Variants in AARS1 observed in about 807,000 individuals in gnomAD.
The protein encoded by AARS1 is alanine--tRNA ligase, cytoplasmic.
AARS1 carries 72 observed loss-of-function variants against 108.9 expected under a neutral mutation model. The ratio of observed to expected loss-of-function variants is 0.66; its 90% CI spans 0.55 to 0.80. AARS1 has a LOEUF of 0.80. AARS1 is among the 30% of genes least tolerant of loss of function. AARS1 has a pLI of 0.00. For missense variants in AARS1, 1,193 were observed against 1,233.2 expected (o/e 0.97, Z 0.49); for synonymous variants, 489 against 465.7 (o/e 1.05, Z -0.64).
In AARS1 at chr16:70,269,831, G is replaced by T. The variant is rs867009096; in HGVS notation, c.817-68C>A. The stretch of plus-strand genomic sequence containing the variant: ...TTCTGGCGCTACCTTGCCCAAGGAG[G>T]TTCCTGGAGGATTGAGGAGCATTAG... On this transcript the variant is annotated intron_variant, in intron 6 of 20. Coordinates refer to ENST00000261772, the MANE Select transcript of AARS1 (RefSeq NM_001605.3). The T allele has an allele frequency of 1.4e-4, 216 of 1,596,146 alleles. 1 individual carries two copies. In the Middle Eastern group the frequency reaches 6.5e-3, roughly 48 times the overall value.
chr16:70,270,881 G>C (rs929014816), intron 5 of AARS1, among the ~76,000 whole-genome samples: 3 of 134,152 alleles, frequency 2.2e-5, no homozygotes, highest in Admixed American at 1.5e-4. Context: ...GGGCATGGTG[G>C]CTCACGCCTG....
In AARS1 at chr16:70,269,353, AAAAAAAAC is replaced by A. The variant is rs1490105561; in HGVS notation, c.962+257_962+264del. On this transcript the variant is annotated intron_variant, in intron 7 of 20. Coordinates refer to ENST00000261772, the MANE Select transcript of AARS1 (RefSeq NM_001605.3). Reference sequence around the variant, plus strand: ...AAAAAAAAAAAAAAAAAAAAAAAAAAAAAAAAACAACCGTCTCTACTAAAAGTACAAAA... The same window carrying A: ...AAAAAAAAAAAAAAAAAAAAAAAAAAAACCGTCTCTACTAAAAGTACAAAA... Among the ~76,000 whole-genome samples the A allele has an allele frequency of 3.7e-4, 36 of 96,918 alleles. 2 individuals carry two copies. Among genetic ancestry groups the A allele is most frequent in the African/African-American group, 1.3e-3 (34 of 25,586 alleles). The allele number at this position is 96,918 out of a possible 152,430, so 63.6% of individuals were successfully genotyped here.
chr16:70,272,895 C>A (rs913671437), intron 4 of AARS1, among the ~76,000 whole-genome samples: 2 of 142,372 alleles, frequency 1.4e-5, no homozygotes, highest in Non-Finnish European at 3.2e-5. Flanking sequence ...GGGTGACACA[C>A]ACACACACAC....
In AARS1 at chr16:70,255,554, T is replaced by C. The variant is rs7184495; in HGVS notation, c.2286+174A>G. ...AGGAAAGCTAGGAGATCTTGTGTGG[T>C]GGCAGGTTTCTTCTGCCACTCAGGG... On this transcript the variant is annotated intron_variant, in intron 16 of 20. Transcript: ENST00000261772. Among the ~76,000 whole-genome samples the C allele has an allele frequency of 0.016, 2,375 of 152,206 alleles. 52 individuals carry two copies. Among genetic ancestry groups the C allele is most frequent in the African/African-American group, 0.053 (2,214 of 41,528 alleles).
In AARS1 at chr16:70,262,477, T is replaced by A; in HGVS notation, c.1540A>T (p.Met514Leu). The change falls in exon 12 of 21, where the codon ATG (methionine) becomes TTG (leucine). Residue 514 changes from methionine (M) to leucine (L), a missense_variant. Transcript: ENST00000261772. The stretch of plus-strand genomic sequence containing the variant: ...CCTGTGGACACCTCTTCCACGAACA[T>A]CTTCTCCCTGCGCAGAGCCATCACC... ...ATVMALRREKMFVEEVSTGQE... is the reference protein window; with the variant it reads ...ATVMALRREKLFVEEVSTGQE... 1 of 1,614,084 alleles carries A rather than the reference T, an allele frequency of 6.2e-7. No individual in the cohort carries two copies. The highest frequency in any genetic ancestry group is 8.5e-7 in the Non-Finnish European group (1 of 1,179,984).
chr16:70,282,796 A>C lies in AARS1; in HGVS notation c.-21-12T>G, dbSNP rs879039777. 1 of 1,612,526 alleles carries C rather than the reference A, an allele frequency of 6.2e-7. No homozygotes were observed. The highest frequency in any genetic ancestry group is 1.1e-5 in the South Asian group (1 of 91,052). On this transcript the variant is annotated splice_polypyrimidine_tract_variant and intron_variant, in intron 1 of 20. Transcript: ENST00000261772. ...GTCACCCCAAAGAACTAATCAAAGA[A>C]AAAAAAATGAAGGAAAATTAAGGGA...
rs1960368917 is a variant in AARS1, at chr16:70,270,311, G to T, written c.701C>A (p.Pro234His). The change falls in exon 6 of 21, where the codon CCC becomes CAC. Residue 234 changes from proline (P) to histidine (H), a missense_variant. By Grantham distance (77) the Pro-to-His change is moderately conservative. Coordinates refer to ENST00000261772, the MANE Select transcript of AARS1 (RefSeq NM_001605.3). ...READGILKPLPKKSIDTGMGL... is the reference protein window; with the variant it reads ...READGILKPLHKKSIDTGMGL... ...CATCCCTGTGTCAATGCTTTTCTTG[G>T]GAAGAGGTTTCAGAATGCCATCAGC... 6.2e-7 allele frequency: 1 copy of T among 1,614,116 alleles called. No homozygotes were observed.
intron 11 of AARS1, among the ~76,000 whole-genome samples, 162 bp from the exon 12 acceptor site, chr16:70,262,686 G>A (rs1048541017): frequency 3.9e-5 from 6 of 152,010 alleles, no homozygotes; most frequent in African/African-American, 1.2e-4. Context: ...AAAGGGCTTC[G>A]CGGCCGGGCG....
At chr16:70,288,717 C>T (rs578046876) in intron 1 of AARS1, among the ~76,000 whole-genome samples, 45 of 152,124 alleles carry the variant, frequency 3.0e-4, no homozygotes, top group African/African-American at 1.1e-3. Flanking sequence ...CAGGCGCGCG[C>T]CGCCACGCTC....
chr16:70,276,439 T>C, intron 4 of AARS1, 47 bp downstream of exon 4: 1 of 1,607,536 alleles, frequency 6.2e-7, no homozygotes, highest in African/African-American at 1.3e-5. Context: ...TGGCACTGAG[T>C]GTCATTTCAC....
In AARS1 at chr16:70,252,496, C is replaced by CCT; in HGVS notation, c.*224_*225insAG. On this transcript the variant is annotated 3_prime_UTR_variant, in exon 21 of 21. Coordinates refer to ENST00000261772, the MANE Select transcript of AARS1 (RefSeq NM_001605.3). ...TATCTATAGATGCGAGCGTGACGAT[C>CCT]AACAGCAATGCGGGGTTAGTGGTTC... 1 of 589,276 alleles carries CCT rather than the reference C, an allele frequency of 1.7e-6. No individual in the cohort carries two copies. Among genetic ancestry groups the CCT allele is most frequent in the Non-Finnish European group, 3.0e-6 (1 of 330,242 alleles). The allele number at this position is 589,276 out of a possible 1,614,324, so 36.5% of individuals were successfully genotyped here.
At chr16:70,255,959 G>A (rs923852106) in intron 15 of AARS1, 123 bp from the exon 16 acceptor site, 5 of 881,704 alleles carry the variant, frequency 5.7e-6, no homozygotes, top group African/African-American at 5.0e-5. Context: ...GGGCTTGAGA[G>A]TATTCTGACA....
At chr16:70,267,896 A>G in intron 8 of AARS1, 87 bp from the exon 9 acceptor site, 1 of 1,578,596 alleles carries the variant, frequency 6.3e-7, no homozygotes, top group South Asian at 1.1e-5. Context: ...AGCTGGGTGC[A>G]GTGGCTCACG....
intron 17 of AARS1, 94 bp from the exon 18 acceptor site, chr16:70,254,132 T>C: frequency 3.9e-6 from 6 of 1,543,252 alleles, no homozygotes; most frequent in Non-Finnish European, 5.3e-6. Context: ...CCTCCCTGAC[T>C]AGTGTCCTGG....
At chr16:70,274,724 C>T (rs1479194008) in intron 4 of AARS1, among the ~76,000 whole-genome samples, 2 of 70,790 alleles carry the variant, frequency 2.8e-5, no homozygotes, top group Admixed American at 2.2e-4. Context: ...GATTCCATCT[C>T]GGCGGGGGTG....
intron 15 of AARS1, among the ~76,000 whole-genome samples, chr16:70,256,735 C>G (rs1960001063): frequency 6.6e-6 from 1 of 152,172 alleles, no homozygotes; most frequent in Non-Finnish European, 1.5e-5. Context: ...CCCCAGGCCC[C>G]TATCCTACTC....
chr16:70,264,912 G>T, intron 11 of AARS1, 46 bp downstream of exon 11: 2 of 1,612,040 alleles, frequency 1.2e-6, no homozygotes, highest in Non-Finnish European at 1.7e-6. Flanking sequence ...ATACCCCCCA[G>T]ATACGGGGCA....
At chr16:70,276,729 A>G in intron 3 of AARS1, 98 bp from the exon 4 acceptor site, 2 of 1,375,118 alleles carry the variant, frequency 1.5e-6, no homozygotes, top group Non-Finnish European at 2.0e-6. Flanking sequence ...AAATCACAAC[A>G]TGTTCACTCT....
rs1191170313 is a variant in AARS1 at position 70,277,146 on chromosome 16, G to C, written c.153C>G (p.Pro51=). The C allele has an allele frequency of 1.2e-6, 2 of 1,614,110 alleles. No homozygotes were observed. The highest frequency in any genetic ancestry group is 2.2e-5 in the East Asian group (1 of 44,886). The change falls in exon 3 of 21, where the codon CCC becomes CCG. Residue 51 remains proline (P), a synonymous_variant. Transcript: ENST00000261772. ...ATGGGTCAATTGTGTTCAGGAAAAT[G>C]GGTTTAAACTAAAAGAGAAGGACAG... ...FANAGMNQFK[P]IFLNTIDPSH... is the part of the protein sequence containing the mutation.
Sources: gnomAD v4.1 joint callset for allele counts (sites outside exome capture counted in the v4.1 genomes callset) on GRCh38, gnomAD v4.1.1 for gene constraint, MANE v1.5 for transcripts, NCBI Gene and HGNC (gene_info 2026-07-23, HGNC 2026-07-21) for gene names.